PDE4D: variants seen among roughly 807,000 people sequenced by gnomAD.
PDE4D encodes the protein 3',5'-cyclic-AMP phosphodiesterase 4D.
Under a neutral mutation model 87.4 loss-of-function variants are expected in PDE4D, and 24 were observed. The ratio of observed to expected loss-of-function variants is 0.27; its 90% confidence interval spans 0.20 to 0.39. The LOEUF is 0.39. Ranked by LOEUF, PDE4D falls within the 10% of genes least tolerant of loss-of-function variation. The pLI, the probability that PDE4D is intolerant of heterozygous loss-of-function variation, is 1.00. For missense variants in PDE4D, 714 were observed against 1,041.0 expected (o/e 0.69, Z 4.32); for synonymous variants, 384 against 383.2 (o/e 1.00, Z -0.02).
At chr5:60,232,770 G>A (rs753632391) in intron 1 of PDE4D, among the ~76,000 whole-genome samples, 1 of 151,782 alleles carries the variant, frequency 6.6e-6, no homozygotes, top group African/African-American at 2.4e-5. Context: ...AAACTGAAAC[G>A]TGCTCTATGG....
At chr5:59,254,737 C>T (rs1300409976) in intron 1 of PDE4D, among the ~76,000 whole-genome samples, 1 of 151,954 alleles carries the variant, frequency 6.6e-6, no homozygotes, top group Non-Finnish European at 1.5e-5. Context: ...GTACTCAGCC[C>T]CCTTCTACCT....
chr5:60,281,091 T>C (rs1180273980), intron 1 of PDE4D, among the ~76,000 whole-genome samples: 1 of 152,198 alleles, frequency 6.6e-6, no homozygotes, highest in Non-Finnish European at 1.5e-5. Context: ...ACATACAAGG[T>C]CAGGGGGAGC....
At chr5:59,265,623 G>T (rs947524174) in intron 1 of PDE4D, among the ~76,000 whole-genome samples, 1 of 152,008 alleles carries the variant, frequency 6.6e-6, no homozygotes, top group African/African-American at 2.4e-5. Context: ...AGCACTTCAG[G>T]TAGATCAACT....
intron 1 of PDE4D, among the ~76,000 whole-genome samples, chr5:59,777,090 G>C (rs1449494698): frequency 6.6e-6 from 1 of 152,172 alleles, no homozygotes; most frequent in Non-Finnish European, 1.5e-5. Flanking sequence ...GAACATAGCT[G>C]ATAGATAATG....
chr5:60,304,141 C>T (rs866023418), intron 1 of PDE4D: 35 of 152,116 alleles, frequency 2.3e-4, no homozygotes, highest in Admixed American at 1.7e-3. Flanking sequence ...ATATGTTCTG[C>T]CAAAGCAAAC....
intron 1 of PDE4D, among the ~76,000 whole-genome samples, chr5:59,701,806 T>A (rs1752613628): frequency 6.6e-6 from 1 of 152,222 alleles, no homozygotes; most frequent in Non-Finnish European, 1.5e-5. Context: ...ACATGCTATG[T>A]GTTCTTGGAT....
At chr5:60,179,375 C>A (rs1784191075) in intron 2 of PDE4D, among the ~76,000 whole-genome samples, 1 of 152,010 alleles carries the variant, frequency 6.6e-6, no homozygotes, top group African/African-American at 2.4e-5. Context: ...TGGACTAATT[C>A]CATTTAGGAA....
At chr5:59,076,028 A>G (rs1765634845) in intron 5 of PDE4D, among the ~76,000 whole-genome samples, 1 of 152,150 alleles carries the variant, frequency 6.6e-6, no homozygotes, top group African/African-American at 2.4e-5. Flanking sequence ...CTCTTGATCA[A>G]CCTGATGAGA....
At chr5:60,120,802 C>T (rs916475798) in intron 2 of PDE4D, among the ~76,000 whole-genome samples, 2 of 152,100 alleles carry the variant, frequency 1.3e-5, no homozygotes, top group Admixed American at 6.6e-5. Context: ...TTACCCACTG[C>T]GATAGTTAAC....
intron 3 of PDE4D, among the ~76,000 whole-genome samples, chr5:59,984,373 T>C (rs867430863): frequency 5.9e-5 from 9 of 152,316 alleles, no homozygotes; most frequent in Middle Eastern, 3.4e-3. Flanking sequence ...TAAACAGCCA[T>C]GAAGCCTGAA....
intron 2 of PDE4D, among the ~76,000 whole-genome samples, chr5:60,042,059 T>G (rs1768579565): frequency 6.6e-6 from 1 of 152,132 alleles, no homozygotes; most frequent in Admixed American, 6.5e-5. Context: ...TCCACTAGTT[T>G]AAATTTCTTG....
At chr5:59,985,787 C>A (rs927781158) in intron 3 of PDE4D, among the ~76,000 whole-genome samples, 2 of 152,144 alleles carry the variant, frequency 1.3e-5, no homozygotes, top group Non-Finnish European at 2.9e-5. Context: ...CATGCATACT[C>A]AATTCTTGCA....
In PDE4D at chr5:60,021,501, G is replaced by C. The variant is rs115921587; in HGVS notation, c.43-32784C>G. 3.1e-3 allele frequency among the ~76,000 whole-genome samples: 466 copies of C among 152,330 alleles called. 4 individuals carry two copies. The highest frequency in any genetic ancestry group is 0.011 in the African/African-American group (447 of 41,592). The stretch of plus-strand genomic sequence containing the variant: ...ACAACAAAAGTGGATGCAGAGTGCT[G>C]TGCAAAGCTGCTCAGAATAAGAATT... On this transcript the variant is annotated intron_variant, in intron 2 of 16. Coordinates refer to the PDE4D transcript ENST00000502484.
chr5:60,442,779 G>A (rs374747057), intron 1 of PDE4D, among the ~76,000 whole-genome samples: 60 of 152,144 alleles, frequency 3.9e-4, no homozygotes, highest in African/African-American at 1.4e-3. Flanking sequence ...ATAGAAAAAT[G>A]GTTGCATCAT....
intron 3 of PDE4D, among the ~76,000 whole-genome samples, chr5:59,942,842 G>C (rs1757326519): frequency 8.7e-6 from 1 of 114,400 alleles, no homozygotes; most frequent in Non-Finnish European, 1.7e-5. Context: ...TTAGAATAGT[G>C]GTTCCTAACT....
intron 1 of PDE4D, among the ~76,000 whole-genome samples, chr5:59,557,337 C>T (rs1819110807): frequency 6.6e-6 from 1 of 152,140 alleles, no homozygotes; most frequent in African/African-American, 2.4e-5. Context: ...CTCCATCACC[C>T]CCTACATTGG....
chr5:59,627,456 T>C (rs945642073), intron 1 of PDE4D, among the ~76,000 whole-genome samples: 2 of 152,240 alleles, frequency 1.3e-5, no homozygotes, highest in African/African-American at 2.4e-5. Flanking sequence ...TTTCATATTT[T>C]ATTCTTACCT....
chr5:60,292,056 T>G (rs1330524438), intron 1 of PDE4D, among the ~76,000 whole-genome samples: 1 of 152,166 alleles, frequency 6.6e-6, no homozygotes, highest in Non-Finnish European at 1.5e-5. Context: ...AGATATAACG[T>G]CAGACTCTGT....
chr5:59,664,071 A>T (rs1745676821), intron 1 of PDE4D, among the ~76,000 whole-genome samples: 1 of 152,160 alleles, frequency 6.6e-6, no homozygotes, highest in Non-Finnish European at 1.5e-5. Context: ...TAATATTGAC[A>T]AGAAATTTAT....
Sources: allele counts gnomAD v4.1 joint callset (sites outside exome capture counted in the v4.1 genomes callset), GRCh38; gene constraint gnomAD v4.1.1; transcripts MANE v1.5; gene names NCBI Gene and HGNC (gene_info 2026-07-23, HGNC 2026-07-21).